ADAMTS12: variants seen among roughly 807,000 people sequenced by gnomAD.
ADAMTS12 encodes ADAM metallopeptidase with thrombospondin type 1 motif 12, also known as A disintegrin and metalloproteinase with thrombospondin motifs 12.
Under a neutral mutation model 167.8 loss-of-function variants are expected in ADAMTS12, and 118 were observed. The ratio of observed to expected loss-of-function variants is 0.70; its 90% CI spans 0.61 to 0.82. The LOEUF is 0.82. Among genes scored for constraint, ADAMTS12 ranks in the 40% least tolerant of loss-of-function variants. ADAMTS12 has a pLI of 0.00. For synonymous variants in ADAMTS12, 704 were observed against 716.9 expected (o/e 0.98, Z 0.29); for missense variants, 1,916 against 1,998.8 (o/e 0.96, Z 0.79).
intron 3 of ADAMTS12, among the ~76,000 whole-genome samples, chr5:33,721,645 G>A (rs994187791): frequency 5.9e-5 from 9 of 152,216 alleles, no homozygotes; most frequent in African/African-American, 2.2e-4. Flanking sequence ...AGCTGGCAAA[G>A]CAAACGCTTG....
intron 3 of ADAMTS12, among the ~76,000 whole-genome samples, chr5:33,739,381 T>A (rs996426821): frequency 6.6e-6 from 1 of 152,190 alleles, no homozygotes; most frequent in African/African-American, 2.4e-5. Flanking sequence ...GAACTTAGAA[T>A]AACAGCCCTG....
intron 20 of ADAMTS12, among the ~76,000 whole-genome samples, chr5:33,553,012 C>CA (rs1745320767): frequency 6.6e-6 from 1 of 151,508 alleles, no homozygotes. Flanking sequence ...ATACAAAAAA[C>CA]AAAAAACAAA....
intron 20 of ADAMTS12, 104 bp downstream of exon 20, chr5:33,560,923 G>GA (rs35553442): frequency 0.039 from 46,087 of 1,178,200 alleles, 2 homozygotes; most frequent in South Asian, 0.054. Flanking sequence ...TTAAGAAAAA[G>GA]AAAAAAAAAA....
At chr5:33,634,440 C>G (rs1561184772) in intron 12 of ADAMTS12, among the ~76,000 whole-genome samples, 2 of 152,130 alleles carry the variant, frequency 1.3e-5, no homozygotes, top group Non-Finnish European at 1.5e-5. Context: ...CCCTGCCACT[C>G]CTCAACAGAT....
chr5:33,864,514 T>C (rs373730843), intron 2 of ADAMTS12, among the ~76,000 whole-genome samples: 13 of 152,198 alleles, frequency 8.5e-5, no homozygotes, highest in Non-Finnish European at 1.6e-4. Context: ...TTATAAATCA[T>C]TGTACTATAA....
chr5:33,776,796 G>C (rs1419501209), intron 2 of ADAMTS12, among the ~76,000 whole-genome samples: 1 of 151,550 alleles, frequency 6.6e-6, no homozygotes, highest in East Asian at 1.9e-4. Context: ...GCTAGACTAA[G>C]AAAAAAAGAG....
rs73762303 is a variant in ADAMTS12 at position 33,794,317 on chromosome 5, G to A, written c.490-42769C>T. Among the ~76,000 whole-genome samples the A allele has an allele frequency of 6.0e-3, 910 of 152,308 alleles. 12 individuals are homozygous for A. Among genetic ancestry groups the A allele is most frequent in the African/African-American group, 0.021 (870 of 41,578 alleles). ...AGGAGAAGTCCGCTTCCTTCAGAGG[G>A]TCTGTGGGGCCTCTTGGGATTGCTG... On this transcript the variant is annotated intron_variant, in intron 2 of 23. Coordinates refer to ENST00000504830, the MANE Select transcript of ADAMTS12 (RefSeq NM_030955.4).
intron 2 of ADAMTS12, among the ~76,000 whole-genome samples, chr5:33,772,161 G>C (rs1745762252): frequency 6.6e-6 from 1 of 151,988 alleles, no homozygotes; most frequent in South Asian, 2.1e-4. Flanking sequence ...CCTGCCTTGT[G>C]GTCCTTTTCA....
intron 22 of ADAMTS12, among the ~76,000 whole-genome samples, chr5:33,543,348 C>T (rs1273071627): frequency 1.3e-5 from 2 of 152,116 alleles, no homozygotes; most frequent in Non-Finnish European, 2.9e-5. Context: ...CAATAACAGA[C>T]TCTGAAATTG....
intron 2 of ADAMTS12, among the ~76,000 whole-genome samples, chr5:33,867,918 G>T (rs959628132): frequency 6.6e-6 from 1 of 152,142 alleles, no homozygotes; most frequent in African/African-American, 2.4e-5. Context: ...TTGGATCATG[G>T]GGAAAAATTT....
At chr5:33,815,671 G>A (rs1028613244) in intron 2 of ADAMTS12, among the ~76,000 whole-genome samples, 4 of 152,252 alleles carry the variant, frequency 2.6e-5, no homozygotes, top group African/African-American at 9.6e-5. Context: ...GTTGCACAAT[G>A]AGCAAGGCAG....
chr5:33,565,644 C>T (rs1294313075), intron 19 of ADAMTS12, among the ~76,000 whole-genome samples: 4 of 149,102 alleles, frequency 2.7e-5, no homozygotes, highest in South Asian at 2.1e-4. Context: ...AGCTGTTAAT[C>T]GTTCCACCAC....
intron 1 of ADAMTS12, among the ~76,000 whole-genome samples, chr5:33,883,289 A>G (rs899019896): frequency 2.6e-5 from 4 of 151,584 alleles, no homozygotes; most frequent in African/African-American, 9.7e-5. Flanking sequence ...CTACAATTAT[A>G]AAAGAGTTTT....
chr5:33,857,613 AG>A (rs1749456644), intron 2 of ADAMTS12, among the ~76,000 whole-genome samples: 1 of 152,212 alleles, frequency 6.6e-6, no homozygotes, highest in East Asian at 1.9e-4. Flanking sequence ...GAAGCTCCAA[AG>A]CAAAGGGAAT....
In ADAMTS12 at chr5:33,691,137, T is replaced by C. The variant is rs1742533929; in HGVS notation, c.635-7082A>G. On this transcript the variant is annotated intron_variant, in intron 3 of 23. Coordinates refer to ENST00000504830, the MANE Select transcript of ADAMTS12 (RefSeq NM_030955.4). ...GTGAGCTGGCCATTGCTGCAAGTGT[T>C]CAAAAAGAGTTTACTCCTGCACAGT... Among the ~76,000 whole-genome samples the C allele has an allele frequency of 3.9e-5, 6 of 152,292 alleles. No homozygotes were observed. In the South Asian group the frequency reaches 1.2e-3, roughly 32 times the overall value.
chr5:33,831,573 G>C (rs1748301794), intron 2 of ADAMTS12, among the ~76,000 whole-genome samples: 1 of 152,216 alleles, frequency 6.6e-6, no homozygotes, highest in African/African-American at 2.4e-5. Context: ...TCCAACTGAA[G>C]AGTCCTGCTT....
chr5:33,745,298 G>A (rs1744740354), intron 3 of ADAMTS12, among the ~76,000 whole-genome samples: 1 of 152,178 alleles, frequency 6.6e-6, no homozygotes, highest in Admixed American at 6.5e-5. Flanking sequence ...GCACAGGAAT[G>A]ATGAAGGGAA....
At chr5:33,619,391 T>C (rs1361627299) in intron 14 of ADAMTS12, among the ~76,000 whole-genome samples, 3 of 152,180 alleles carry the variant, frequency 2.0e-5, no homozygotes, top group Non-Finnish European at 2.9e-5. Flanking sequence ...TAAAAGTCCT[T>C]TTTAGCATTT....
chr5:33,680,370 T>A (rs897171105), intron 5 of ADAMTS12, among the ~76,000 whole-genome samples: 4 of 152,200 alleles, frequency 2.6e-5, no homozygotes, highest in African/African-American at 9.7e-5. Flanking sequence ...TAAAGGGGCC[T>A]GATCCGTGGA....
Sources: allele counts gnomAD v4.1 joint callset (sites outside exome capture counted in the v4.1 genomes callset), GRCh38; gene constraint gnomAD v4.1.1; transcripts MANE v1.5; gene names NCBI Gene and HGNC (gene_info 2026-07-23, HGNC 2026-07-21).